Variants in B3GNT2 observed in about 807,000 individuals in gnomAD.
B3GNT2 encodes the protein UDP-GlcNAc:betaGal beta-1,3-N-acetylglucosaminyltransferase 2, also known as N-acetyllactosaminide beta-1,3-N-acetylglucosaminyltransferase 2.
B3GNT2 carries 12 observed loss-of-function variants against 27.6 expected under a neutral mutation model. That is an observed-to-expected ratio of 0.44 (90% CI 0.28 to 0.71). The LOEUF (loss-of-function observed/expected upper bound fraction) is 0.71, where lower values mean the gene tolerates loss of function less well. B3GNT2 is among the 30% of genes least tolerant of loss of function. The pLI, the probability that B3GNT2 is intolerant of heterozygous loss-of-function variation, is 0.17. For synonymous variants in B3GNT2, 192 were observed against 189.7 expected (o/e 1.01, Z -0.10); for missense variants, 413 against 488.5 (o/e 0.85, Z 1.46).
chr2:62,213,674 G>A (rs933504622), intron 1 of B3GNT2, among the ~76,000 whole-genome samples: 1 of 152,184 alleles, frequency 6.6e-6, no homozygotes, highest in African/African-American at 2.4e-5. Flanking sequence ...CTAACATGGA[G>A]TCAGCACTGC....
intron 1 of B3GNT2, among the ~76,000 whole-genome samples, chr2:62,199,797 C>G (rs2104181152): frequency 6.6e-6 from 1 of 152,342 alleles, no homozygotes; most frequent in Middle Eastern, 3.4e-3. Flanking sequence ...GATTGCTGTT[C>G]CTACGTACTT....
intron 1 of B3GNT2, chr2:62,221,985 G>A (rs111796123): frequency 8.5e-6 from 5 of 585,946 alleles, no homozygotes; most frequent in Non-Finnish European, 1.5e-5. Context: ...ACCATCCTTT[G>A]AAGTGGGCTT....
chr2:62,224,584 A>C lies in B3GNT2; in HGVS notation c.*1170A>C, dbSNP rs931735243. ...TTGTTTTTTGGGGGTATGAACTACT[A>C]GAGTTTAAAATTCTGCCAAACTATT... On this transcript the variant is annotated 3_prime_UTR_variant, in exon 2 of 2. Coordinates refer to ENST00000301998, the MANE Select transcript of B3GNT2 (RefSeq NM_006577.6). 6.0e-6 allele frequency: 1 copy of C among 167,108 alleles called. No individual in the cohort carries two copies. The highest frequency in any genetic ancestry group is 2.4e-5 in the African/African-American group (1 of 41,448). 10.4% of individuals were successfully genotyped at this position (167,108 alleles called of 1,614,324 possible).
intron 1 of B3GNT2, among the ~76,000 whole-genome samples, chr2:62,210,367 A>T (rs896531976): frequency 1.2e-4 from 19 of 152,216 alleles, no homozygotes; most frequent in African/African-American, 4.3e-4. Context: ...ACATCCCAAC[A>T]TTAAAAATGG....
At chr2:62,212,388 G>A (rs1413068450) in intron 1 of B3GNT2, among the ~76,000 whole-genome samples, 1 of 151,920 alleles carries the variant, frequency 6.6e-6, no homozygotes, top group Non-Finnish European at 1.5e-5. Context: ...TGTACCCCAA[G>A]CCCCCCTGGT....
At chr2:62,218,183 C>A (rs1674611646) in intron 1 of B3GNT2, among the ~76,000 whole-genome samples, 1 of 152,176 alleles carries the variant, frequency 6.6e-6, no homozygotes, top group Non-Finnish European at 1.5e-5. Context: ...GAGCTTTTTC[C>A]CACAGATATT....
intron 1 of B3GNT2, among the ~76,000 whole-genome samples, chr2:62,201,620 C>A (rs1674266056): frequency 6.6e-6 from 1 of 152,200 alleles, no homozygotes; most frequent in African/African-American, 2.4e-5. Context: ...TTTTTGGACT[C>A]ATTCTGCAAA....
intron 1 of B3GNT2, among the ~76,000 whole-genome samples, chr2:62,214,725 A>G (rs57541847): frequency 0.087 from 13,206 of 152,202 alleles, 1,967 homozygotes; most frequent in African/African-American, 0.3. Flanking sequence ...CAAAGGAGGA[A>G]AGTGAGGCTT....
chr2:62,223,597 A>ATT lies in B3GNT2; in HGVS notation c.*191_*192dup. ...TGAAGAGGGAAAGCGGAAGATGGTA[A>ATT]TTTTTTTTTATGGATGATATGGCAG... On this transcript the variant is annotated 3_prime_UTR_variant, in exon 2 of 2. Coordinates refer to ENST00000301998, the MANE Select transcript of B3GNT2 (RefSeq NM_006577.6). 5 of 542,544 alleles carry ATT rather than the reference A, an allele frequency of 9.2e-6. No individual in the cohort carries two copies. The highest frequency in any genetic ancestry group is 1.6e-5 in the Non-Finnish European group (5 of 304,736). 33.6% of individuals were successfully genotyped at this position (542,544 alleles called of 1,614,324 possible).
intron 1 of B3GNT2, among the ~76,000 whole-genome samples, chr2:62,202,390 A>G (rs1438840990): frequency 6.6e-6 from 1 of 152,230 alleles, no homozygotes; most frequent in African/African-American, 2.4e-5. Context: ...CACAACAGAA[A>G]GGCTCATAGA....
intron 1 of B3GNT2, among the ~76,000 whole-genome samples, chr2:62,221,012 G>A (rs1674680698): frequency 6.6e-6 from 1 of 152,002 alleles, no homozygotes; most frequent in African/African-American, 2.4e-5. Flanking sequence ...TACACTTCAG[G>A]TTTGACATAT....
At chr2:62,216,258 T>G (rs1258053097) in intron 1 of B3GNT2, among the ~76,000 whole-genome samples, 1 of 152,160 alleles carries the variant, frequency 6.6e-6, no homozygotes, top group Non-Finnish European at 1.5e-5. Context: ...TTTCAGTATT[T>G]GAGTCCTAAG....
At chr2:62,213,956 A>C (rs1674525659) in intron 1 of B3GNT2, among the ~76,000 whole-genome samples, 1 of 152,070 alleles carries the variant, frequency 6.6e-6, no homozygotes, top group Non-Finnish European at 1.5e-5. Context: ...CTGGAGTGTA[A>C]TGGTGGTGCA....
In B3GNT2 at chr2:62,222,154, G is replaced by A; in HGVS notation, c.-9-58G>A. Reference sequence around the variant, plus strand: ...CCTGGGGAGACAGGTAAAATAAATTGTATGTGCAAATGCAAATTGATAAGT... The same window carrying A: ...CCTGGGGAGACAGGTAAAATAAATTATATGTGCAAATGCAAATTGATAAGT... On this transcript the variant is annotated intron_variant, in intron 1 of 1. Transcript: ENST00000301998. The surrounding 1 kb of genome is among the most constrained non-coding windows in gnomAD (Gnocchi z 4.2). 2 of 1,413,556 alleles carry A rather than the reference G, an allele frequency of 1.4e-6. No individual in the cohort carries two copies. The highest frequency in any genetic ancestry group is 1.9e-6 in the Non-Finnish European group (2 of 1,040,344). The allele number at this position is 1,413,556 out of a possible 1,614,324, so 87.6% of individuals were successfully genotyped here.
intron 1 of B3GNT2, among the ~76,000 whole-genome samples, chr2:62,220,913 C>A (rs1674678532): frequency 6.6e-6 from 1 of 152,184 alleles, no homozygotes; most frequent in South Asian, 2.1e-4. Context: ...CTTTATTCTT[C>A]CATTGCCCAC....
rs375165204 is a variant in B3GNT2, at chr2:62,222,242, A to C, written c.22A>C (p.Ile8Leu). The change falls in exon 2 of 2, where the codon ATA becomes CTA. Residue 8 changes from isoleucine to leucine, a missense_variant. Ile to Leu is a conservative substitution (Grantham distance 5). Transcript: ENST00000301998. The surrounding 1 kb of genome is among the most constrained non-coding windows in gnomAD (Gnocchi z 4.2). ...AGAAATGAGTGTTGGACGTCGAAGA[A>C]TAAAGTTGTTGGGTATCCTGATGAT... MSVGRRRIKLLGILMMAN... is the reference protein window; with the variant it reads MSVGRRRLKLLGILMMAN... The C allele has an allele frequency of 3.7e-6, 6 of 1,607,416 alleles. No homozygotes were observed. In the Admixed American group the frequency reaches 5.1e-5, roughly 14 times the overall value.
At chr2:62,200,454 A>G (rs1225369225) in intron 1 of B3GNT2, among the ~76,000 whole-genome samples, 1 of 152,182 alleles carries the variant, frequency 6.6e-6, no homozygotes, top group Non-Finnish European at 1.5e-5. Context: ...TGTTTGAAAA[A>G]AATGATAATC....
intron 1 of B3GNT2, among the ~76,000 whole-genome samples, chr2:62,211,494 C>A (rs1251956284): frequency 6.6e-6 from 1 of 152,160 alleles, no homozygotes; most frequent in Non-Finnish European, 1.5e-5. Context: ...GTCTTCGGGA[C>A]AACAAAACCA....
chr2:62,208,513 C>G (rs897889119), intron 1 of B3GNT2, among the ~76,000 whole-genome samples: 1 of 151,970 alleles, frequency 6.6e-6, no homozygotes, highest in Admixed American at 6.6e-5. Context: ...GATGACACCA[C>G]GTAATTGTGT....
Sources: allele counts gnomAD v4.1 joint callset (sites outside exome capture counted in the v4.1 genomes callset), GRCh38; gene constraint gnomAD v4.1.1; non-coding constraint Gnocchi (gnomAD v3.1); transcripts MANE v1.5; gene names NCBI Gene and HGNC (gene_info 2026-07-23, HGNC 2026-07-21).